The following NSMAF variants were observed in gnomAD, a reference collection of about 807,000 sequenced individuals.
NSMAF encodes the protein neutral sphingomyelinase activation associated factor, also known as protein FAN.
In NSMAF, 90 loss-of-function variants were observed where a neutral mutation model predicts 134.9. The ratio of observed to expected loss-of-function variants is 0.67; its 90% CI spans 0.56 to 0.79. The LOEUF (loss-of-function observed/expected upper bound fraction) is 0.79. NSMAF is among the 30% of genes least tolerant of loss of function. The pLI is 0.00. For synonymous variants in NSMAF, 358 were observed against 389.6 expected (o/e 0.92, Z 0.96); for missense variants, 1,010 against 1,119.0 (o/e 0.90, Z 1.39).
chr8:58,600,613 C>T (rs1442095128), intron 16 of NSMAF, among the ~76,000 whole-genome samples: 1 of 113,410 alleles, frequency 8.8e-6, no homozygotes, highest in African/African-American at 3.9e-5. Context: ...CAGAGCAAGA[C>T]TCTGTCTCAA....
intron 9 of NSMAF, among the ~76,000 whole-genome samples, chr8:58,614,088 A>G (rs1364065031): frequency 2.0e-5 from 3 of 152,222 alleles, no homozygotes; most frequent in Non-Finnish European, 4.4e-5. Flanking sequence ...GCACCCTATG[A>G]TGTCCTCACA....
intron 28 of NSMAF, 94 bp downstream of exon 28, chr8:58,586,364 T>A (rs1585722223): frequency 1.6e-6 from 2 of 1,270,468 alleles, no homozygotes; most frequent in East Asian, 2.5e-5. Context: ...TTTTTCTTTG[T>A]AAGTTTTATT....
chr8:58,602,955 TA>T (rs1478950584), intron 13 of NSMAF, among the ~76,000 whole-genome samples: 2 of 152,188 alleles, frequency 1.3e-5, no homozygotes, highest in Non-Finnish European at 2.9e-5. Context: ...AACCCTGGGT[TA>T]AAATCATGCC....
rs562974830 is a variant in NSMAF at position 58,628,296 on chromosome 8, T to C, written c.384+3200A>G. Among the ~76,000 whole-genome samples, 3 of 152,272 alleles carry C rather than the reference T, an allele frequency of 2.0e-5. No individual in the cohort carries two copies. In the East Asian group the frequency reaches 5.8e-4, roughly 29 times the overall value. On this transcript the variant is annotated intron_variant, in intron 6 of 30. Transcript: ENST00000038176. ...ACCATAAAAATTCTACATGATAATA[T>C]TGGAAAAACTCTTCTTTAGTGTATC...
In NSMAF at chr8:58,585,879, A is replaced by T. The variant is rs1400608359; in HGVS notation, c.2549+19T>A. ...CATGTCTGTAAATGTCTTCGCCCCC[A>T]GTAACTCACAAACTATACCTCTGGG... is the stretch of plus-strand genomic sequence containing the variant. On this transcript the variant is annotated intron_variant, in intron 29 of 30. Transcript: ENST00000038176. The T allele has an allele frequency of 6.2e-7, 1 of 1,605,456 alleles. No homozygotes were observed. Among genetic ancestry groups the T allele is most frequent in the South Asian group, 1.1e-5 (1 of 90,908 alleles).
chr8:58,648,854 G>C (rs909872204), intron 1 of NSMAF, among the ~76,000 whole-genome samples: 6 of 152,256 alleles, frequency 3.9e-5, no homozygotes, highest in Non-Finnish European at 7.3e-5. Flanking sequence ...GGAATCCCGG[G>C]CAGAAGCCTG....
intron 24 of NSMAF, 42 bp from the exon 25 acceptor site, chr8:58,590,116 A>G (rs1165427480): frequency 6.5e-7 from 1 of 1,529,332 alleles, no homozygotes; most frequent in Admixed American, 1.7e-5. Context: ...TATAATAATT[A>G]GTAAGTCTCT....
chr8:58,646,848 T>C (rs1469266961), intron 1 of NSMAF, among the ~76,000 whole-genome samples: 4 of 152,214 alleles, frequency 2.6e-5, no homozygotes, highest in Admixed American at 2.6e-4. Flanking sequence ...TGCCCCTACA[T>C]ATTCCTAGTT....
Position 58,635,553 on chromosome 8 carries a change from A to T in NSMAF, c.150-7T>A, listed in dbSNP as rs745997176. The T allele has an allele frequency of 6.4e-7, 1 of 1,557,450 alleles. No homozygotes were observed. The highest frequency in any genetic ancestry group is 2.2e-5 in the East Asian group (1 of 44,516). ...TAAGGAGCCTCTGATTTTCCTAGGG[A>T]TCCAAGTACAACAGATTGTTTGATG... On this transcript the variant is annotated splice_polypyrimidine_tract_variant and splice_region_variant and intron_variant, in intron 2 of 30. Transcript: ENST00000038176.
At chr8:58,605,796 C>T in intron 12 of NSMAF, 131 bp downstream of exon 12, 2 of 1,020,336 alleles carry the variant, frequency 2.0e-6, no homozygotes, top group Non-Finnish European at 2.6e-6. Context: ...ACAAGAATCA[C>T]TTGAACCCAG....
At chr8:58,620,440 A>G (rs1240483173) in intron 9 of NSMAF, among the ~76,000 whole-genome samples, 1 of 152,236 alleles carries the variant, frequency 6.6e-6, no homozygotes, top group Middle Eastern at 3.2e-3. Context: ...CTAGCACCTA[A>G]GAGTCTTGGG....
chr8:58,644,807 C>G (rs572323889), intron 1 of NSMAF, among the ~76,000 whole-genome samples: 1 of 152,300 alleles, frequency 6.6e-6, no homozygotes, highest in African/African-American at 2.4e-5. Flanking sequence ...GAATTCATGT[C>G]CTTTGCAGCG....
At chr8:58,651,670 T>C (rs148182874) in intron 1 of NSMAF, among the ~76,000 whole-genome samples, 23 of 152,352 alleles carry the variant, frequency 1.5e-4, no homozygotes, top group African/African-American at 5.5e-4. Flanking sequence ...TTTTTATATG[T>C]ACTATCAAGA....
intron 6 of NSMAF, among the ~76,000 whole-genome samples, chr8:58,628,450 T>C (rs1431039212): frequency 6.6e-6 from 1 of 152,222 alleles, no homozygotes; most frequent in Non-Finnish European, 1.5e-5. Flanking sequence ...CAGATACCTG[T>C]CTCCTTTTAT....
intron 6 of NSMAF, among the ~76,000 whole-genome samples, chr8:58,625,394 A>ATATGTATG (rs1554576320): frequency 7.3e-5 from 11 of 151,534 alleles, no homozygotes; most frequent in African/African-American, 2.7e-4. Context: ...ATGTATATGC[A>ATATGTATG]TATGTATGTA....
chr8:58,634,537 A>G (rs1354416040), intron 5 of NSMAF, among the ~76,000 whole-genome samples: 1 of 152,230 alleles, frequency 6.6e-6, no homozygotes, highest in Non-Finnish European at 1.5e-5. Context: ...CCAAGGAACG[A>G]GAGCTGTCAA....
chr8:58,602,062 A>G lies in NSMAF; in HGVS notation c.1121T>C (p.Leu374Pro). The G allele has an allele frequency of 6.2e-7, 1 of 1,611,982 alleles. No individual in the cohort carries two copies. The highest frequency in any genetic ancestry group is 8.5e-7 in the Non-Finnish European group (1 of 1,178,178). ...AGAATCTCTAAGTCCACATACCAGTAGTCTCTCCAGCCGTTCCTTATTTAG... is the reference window on the plus strand; with the variant it reads ...AGAATCTCTAAGTCCACATACCAGTGGTCTCTCCAGCCGTTCCTTATTTAG... The part of the protein sequence containing the change: ...GALNKERLER[L>P]LTRYQEMPEP... Residue 374 changes from leucine (L) to proline (P), a missense_variant, in exon 14 of 31, where the codon CTA becomes CCA. Transcript: ENST00000038176.
intron 9 of NSMAF, among the ~76,000 whole-genome samples, chr8:58,622,400 T>A (rs1004309352): frequency 2.1e-5 from 3 of 142,564 alleles, no homozygotes; most frequent in African/African-American, 7.9e-5. Flanking sequence ...GCCCAACTAA[T>A]TTTTTTTTTT....
intron 23 of NSMAF, 80 bp downstream of exon 23, chr8:58,594,152 C>T: frequency 3.2e-6 from 4 of 1,251,380 alleles, no homozygotes; most frequent in Non-Finnish European, 4.7e-6. Context: ...CAAGTGCAGT[C>T]CTTGACCACG....
Sources: allele counts gnomAD v4.1 joint callset (sites outside exome capture counted in the v4.1 genomes callset), GRCh38; gene constraint gnomAD v4.1.1; transcripts MANE v1.5; gene names NCBI Gene and HGNC (gene_info 2026-07-23, HGNC 2026-07-21).